NME7: variants seen among roughly 807,000 people sequenced by gnomAD.
NME7 encodes the protein NME/NM23 family member 7.
In NME7, 41 loss-of-function variants were observed where a neutral mutation model predicts 49.1. That is an observed-to-expected ratio of 0.83 (90% confidence interval 0.65 to 1.08). The LOEUF is 1.08. Among genes scored for constraint, NME7 ranks in the 50% least tolerant of loss-of-function variants. NME7 has a pLI of 0.00. For synonymous variants in NME7, 139 were observed against 150.6 expected (o/e 0.92, Z 0.56); for missense variants, 423 against 463.4 (o/e 0.91, Z 0.80).
At chr1:169,202,130 T>C (rs1354761194) in intron 10 of NME7, among the ~76,000 whole-genome samples, 1 of 152,202 alleles carries the variant, frequency 6.6e-6, no homozygotes, top group Non-Finnish European at 1.5e-5. Flanking sequence ...ATAGTTCATT[T>C]GCTGCACATA....
At position 169,165,083 on chromosome 1, in the gene NME7, TTCTAGAATG is replaced by T. The variant is rs201591078; in HGVS notation, c.1098+4355_1098+4363del. Among the ~76,000 whole-genome samples the T allele has an allele frequency of 6.2e-3, 861 of 139,214 alleles. 3 individuals carry two copies. Among genetic ancestry groups the T allele is most frequent in the Non-Finnish European group, 8.9e-3 (560 of 62,620 alleles). The allele number at this position is 139,214 out of a possible 152,430, so 91.3% of individuals were successfully genotyped here. A position where few individuals can be genotyped will look rare whatever the true frequency, so the allele number is the denominator to read the frequency against. On this transcript the variant is annotated intron_variant, in intron 11 of 11. Transcript: ENST00000367811. ...AGAGAACATTAACAGTGACAGAACA[TTCTAGAATG>T]TCTCATAAATACCATAATTTATTCC...
chr1:169,154,904 T>C (rs1382633173), intron 11 of NME7, among the ~76,000 whole-genome samples: 1 of 152,110 alleles, frequency 6.6e-6, no homozygotes, highest in Non-Finnish European at 1.5e-5. Context: ...GAATACTCTA[T>C]TTCTCCAAAT....
At chr1:169,189,881 C>T (rs987025482) in intron 10 of NME7, among the ~76,000 whole-genome samples, 1 of 152,134 alleles carries the variant, frequency 6.6e-6, no homozygotes, top group African/African-American at 2.4e-5. Flanking sequence ...GCAATGCCTA[C>T]TGTTTATGAA....
chr1:169,227,849 G>C (rs1571307164), intron 10 of NME7, among the ~76,000 whole-genome samples: 1 of 152,070 alleles, frequency 6.6e-6, no homozygotes, highest in Admixed American at 6.6e-5. Flanking sequence ...TGAGCTAAGT[G>C]CTATATTTCT....
chr1:169,309,483 C>T (rs1179336324), intron 4 of NME7, among the ~76,000 whole-genome samples: 2 of 151,988 alleles, frequency 1.3e-5, no homozygotes, highest in Non-Finnish European at 2.9e-5. Context: ...CCGGAAGAGG[C>T]CATAAAAAGA....
intron 10 of NME7, among the ~76,000 whole-genome samples, chr1:169,187,980 G>A (rs1180924194): frequency 1.3e-5 from 2 of 152,132 alleles, no homozygotes; most frequent in East Asian, 3.9e-4. Context: ...TGTCTGAAAA[G>A]GATTTTATTT....
At chr1:169,219,976 C>T (rs1012864939) in intron 10 of NME7, among the ~76,000 whole-genome samples, 1 of 152,170 alleles carries the variant, frequency 6.6e-6, no homozygotes, top group African/African-American at 2.4e-5. Flanking sequence ...CCTTCCAAGA[C>T]AGCTTTTTCC....
At chr1:169,144,848 C>T (rs1419114144) in intron 11 of NME7, among the ~76,000 whole-genome samples, 1 of 152,056 alleles carries the variant, frequency 6.6e-6, no homozygotes, top group African/African-American at 2.4e-5. Flanking sequence ...TATTTTTACC[C>T]CAGTAAAATG....
chr1:169,197,670 TG>T (rs1408464747), intron 10 of NME7, among the ~76,000 whole-genome samples: 6 of 151,982 alleles, frequency 3.9e-5, no homozygotes, highest in Non-Finnish European at 7.4e-5. Flanking sequence ...TGCAAAAAAA[TG>T]AAGTTCAATC....
chr1:169,175,953 T>G (rs920394429), intron 10 of NME7, among the ~76,000 whole-genome samples: 2 of 152,070 alleles, frequency 1.3e-5, no homozygotes, highest in Non-Finnish European at 2.9e-5. Context: ...AAACAGCAAA[T>G]ATTTTCATTT....
chr1:169,298,628 A>T lies in NME7; in HGVS notation c.576T>A (p.Ile192=). 1 of 1,614,016 alleles carries T rather than the reference A, an allele frequency of 6.2e-7. No homozygotes were observed. Among genetic ancestry groups the T allele is most frequent in the South Asian group, 1.1e-5 (1 of 91,082 alleles). Residue 192 remains isoleucine (I), a synonymous_variant, in exon 6 of 12, where the codon ATT becomes ATA. Coordinates refer to ENST00000367811, the MANE Select transcript of NME7 (RefSeq NM_013330.5). Reference sequence around the variant, plus strand: ...TGCCATCTGTTCCAAAGAGGGCTCTAATGCTTTCAGAAGCATCTGTGCGTG... The same window carrying T: ...TGCCATCTGTTCCAAAGAGGGCTCTTATGCTTTCAGAAGCATCTGTGCGTG... ...GVARTDASES[I]RALFGTDGIR...
At chr1:169,366,175 T>C (rs1653844210) in intron 1 of NME7, among the ~76,000 whole-genome samples, 1 of 152,182 alleles carries the variant, frequency 6.6e-6, no homozygotes, top group East Asian at 1.9e-4. Flanking sequence ...TTCCAAAGAA[T>C]GACATTCAAA....
intron 7 of NME7, among the ~76,000 whole-genome samples, chr1:169,253,685 T>C (rs968440111): frequency 1.2e-4 from 18 of 152,256 alleles, no homozygotes; most frequent in Admixed American, 1.1e-3. Context: ...TTCAGTATGA[T>C]ACTGGCTGTG....
chr1:169,188,830 T>G (rs1660144038), intron 10 of NME7, among the ~76,000 whole-genome samples: 2 of 152,200 alleles, frequency 1.3e-5, no homozygotes, highest in African/African-American at 4.8e-5. Context: ...AGGAATATTC[T>G]AAGAAACTGG....
chr1:169,352,744 G>A (rs1653224377), intron 1 of NME7, among the ~76,000 whole-genome samples: 1 of 151,950 alleles, frequency 6.6e-6, no homozygotes, highest in African/African-American at 2.4e-5. Context: ...ACAAATATCA[G>A]TAGCATTTCT....
intron 10 of NME7, among the ~76,000 whole-genome samples, chr1:169,178,285 A>C (rs1463010496): frequency 6.6e-6 from 1 of 152,160 alleles, no homozygotes; most frequent in African/African-American, 2.4e-5. Context: ...TACATTCCCC[A>C]GACACATTTT....
intron 1 of NME7, among the ~76,000 whole-genome samples, chr1:169,324,940 T>A (rs1359764256): frequency 6.6e-6 from 1 of 152,218 alleles, no homozygotes; most frequent in African/African-American, 2.4e-5. Flanking sequence ...TCTAGTAGTA[T>A]CAGAATATTA....
chr1:169,136,435 T>C (rs1302825970), intron 11 of NME7, among the ~76,000 whole-genome samples: 1 of 152,230 alleles, frequency 6.6e-6, no homozygotes, highest in Non-Finnish European at 1.5e-5. Flanking sequence ...TTTCTTTTCT[T>C]TCATTTGCAA....
chr1:169,337,727 A>G (rs1203030150), intron 1 of NME7, among the ~76,000 whole-genome samples: 3 of 152,252 alleles, frequency 2.0e-5, no homozygotes, highest in South Asian at 2.1e-4. Flanking sequence ...TGTCACAGTG[A>G]TAAGTACAAT....
Sources: gnomAD v4.1 joint callset for allele counts (sites outside exome capture counted in the v4.1 genomes callset) on GRCh38, gnomAD v4.1.1 for gene constraint, MANE v1.5 for transcripts, NCBI Gene and HGNC (gene_info 2026-07-23, HGNC 2026-07-21) for gene names.